HYDIN: variants seen among roughly 807,000 people sequenced by gnomAD.
The protein encoded by HYDIN is axonemal central pair apparatus protein HYDIN.
In HYDIN, 132 loss-of-function variants were observed where a neutral mutation model predicts 403.9. That is an observed-to-expected ratio of 0.33 (90% confidence interval 0.28 to 0.38). The LOEUF (loss-of-function observed/expected upper bound fraction) is 0.38. Ranked by LOEUF, HYDIN falls within the 10% of genes least tolerant of loss-of-function variation. The pLI is 1.00. For missense variants in HYDIN, 2,827 were observed against 5,009.5 expected (o/e 0.56, Z 13.15); for synonymous variants, 1,202 against 1,891.7 (o/e 0.64, Z 9.46).
chr16:71,185,229 T>C (rs1373607561), intron 2 of HYDIN, among the ~76,000 whole-genome samples: 2 of 152,100 alleles, frequency 1.3e-5, no homozygotes, highest in African/African-American at 2.4e-5. Flanking sequence ...CCTTATGATT[T>C]TGAAGGAATC....
chr16:71,067,348 G>C lies in HYDIN; in HGVS notation c.2017C>G (p.Leu673Val), dbSNP rs142497335. ...CCGATGCCCTCCACGTCCACCACGA[G>C]TGCCAGCTCGTATTTCTGCACAGTG... ...SNTVQKYELA[L>V]VVDVEGIGEE... The change falls in exon 15 of 86, where the codon CTC becomes GTC. Residue 673 changes from leucine to valine, a missense_variant. Physicochemically the swap from Leu to Val is conservative, Grantham distance 32. Coordinates refer to ENST00000393567, the MANE Select transcript of HYDIN (RefSeq NM_001270974.2). 1.9e-6 allele frequency: 3 copies of C among 1,612,900 alleles called. No homozygotes were observed. The highest frequency in any genetic ancestry group is 1.6e-4 in the Middle Eastern group (1 of 6,078).
intron 53 of HYDIN, among the ~76,000 whole-genome samples, chr16:70,897,086 T>G (rs556207736): frequency 3.3e-5 from 5 of 150,966 alleles, no homozygotes; most frequent in African/African-American, 1.2e-4. Flanking sequence ...CAGAAAATAT[T>G]TGCAAACTAT....
chr16:70,899,589 T>G (rs1446661443), intron 53 of HYDIN, among the ~76,000 whole-genome samples: 1 of 152,118 alleles, frequency 6.6e-6, no homozygotes, highest in Admixed American at 6.6e-5. Context: ...AGTCACCCAG[T>G]ATATGCTAAT....
chr16:70,949,143 C>T lies in HYDIN; in HGVS notation c.6531+3278G>A, dbSNP rs76191335. Among the ~76,000 whole-genome samples the T allele has an allele frequency of 1.4e-3, 207 of 152,026 alleles. 3 individuals are homozygous for T. In the South Asian group the frequency reaches 0.035, roughly 26 times the overall value. On this transcript the variant is annotated intron_variant, in intron 41 of 85. Coordinates refer to ENST00000393567, the MANE Select transcript of HYDIN (RefSeq NM_001270974.2). ...CTATGCAGCCATAAAAAATGATGAGCTCATGTCCTTTGTAGGGACATGGAT... is the reference window on the plus strand; with the variant it reads ...CTATGCAGCCATAAAAAATGATGAGTTCATGTCCTTTGTAGGGACATGGAT...
chr16:70,911,764 T>C (rs2076703649), intron 47 of HYDIN, among the ~76,000 whole-genome samples: 3 of 151,930 alleles, frequency 2.0e-5, no homozygotes, highest in Non-Finnish European at 4.4e-5. Flanking sequence ...TCCATTTGTT[T>C]GTGTCATCTA....
At chr16:70,939,532 T>C (rs2077604673) in intron 43 of HYDIN, among the ~76,000 whole-genome samples, 2 of 152,198 alleles carry the variant, frequency 1.3e-5, no homozygotes, top group South Asian at 2.1e-4. Flanking sequence ...TTTGTTAACA[T>C]GTATGAACAT....
chr16:71,134,453 G>A (rs1335768481), intron 8 of HYDIN, among the ~76,000 whole-genome samples: 3 of 152,242 alleles, frequency 2.0e-5, no homozygotes, highest in Non-Finnish European at 4.4e-5. Context: ...GCCTGATTCA[G>A]CTCTGCAGGC....
At chr16:71,058,933 GTA>G (rs1241445809) in intron 18 of HYDIN, among the ~76,000 whole-genome samples, 1 of 151,130 alleles carries the variant, frequency 6.6e-6, no homozygotes, top group African/African-American at 2.5e-5. Context: ...TAATAACTAA[GTA>G]TGTTTTTGCT....
chr16:70,954,502 C>A (rs548861523), intron 40 of HYDIN, among the ~76,000 whole-genome samples: 1 of 151,974 alleles, frequency 6.6e-6, no homozygotes, highest in East Asian at 1.9e-4. Context: ...CCCCCCTCCC[C>A]CAAACCCAAC....
At chr16:71,009,514 A>G (rs1469581722) in intron 23 of HYDIN, among the ~76,000 whole-genome samples, 1 of 152,090 alleles carries the variant, frequency 6.6e-6, no homozygotes, top group African/African-American at 2.4e-5. Flanking sequence ...AATGCCAGTA[A>G]TGTTAGAGGC....
chr16:71,214,084 T>C lies in HYDIN; in HGVS notation c.-24+16478A>G, dbSNP rs530911090. ...CAATAGGTTTAGCAATATTGCTAAA[T>C]ATAAAATAAATATATCCTAAAATTG... On this transcript the variant is annotated intron_variant, in intron 1 of 85. Coordinates refer to ENST00000393567, the MANE Select transcript of HYDIN (RefSeq NM_001270974.2). Among the ~76,000 whole-genome samples the C allele has an allele frequency of 2.0e-5, 3 of 152,180 alleles. No homozygotes were observed. In the East Asian group the frequency reaches 5.8e-4, roughly 29 times the overall value.
chr16:71,107,404 A>C (rs931968257), intron 10 of HYDIN, among the ~76,000 whole-genome samples: 9 of 151,928 alleles, frequency 5.9e-5, no homozygotes, highest in African/African-American at 2.2e-4. Context: ...AATGGGAAAA[A>C]ATATTTGCAA....
At chr16:70,946,704 G>A (rs1464739046) in intron 41 of HYDIN, among the ~76,000 whole-genome samples, 1 of 152,190 alleles carries the variant, frequency 6.6e-6, no homozygotes, top group Non-Finnish European at 1.5e-5. Context: ...TCTGTAAAGT[G>A]AGAAGATGGC....
At chr16:71,173,273 A>G (rs2086540499) in intron 5 of HYDIN, among the ~76,000 whole-genome samples, 1 of 152,244 alleles carries the variant, frequency 6.6e-6, no homozygotes, top group Non-Finnish European at 1.5e-5. Context: ...TAGAAGTAAC[A>G]GTATAACAAC....
intron 53 of HYDIN, among the ~76,000 whole-genome samples, chr16:70,898,097 AGGT>A (rs1344431065): frequency 1.3e-5 from 2 of 152,166 alleles, no homozygotes; most frequent in Non-Finnish European, 2.9e-5. Context: ...TGAGCCCAGG[AGGT>A]GGAAGTTGCA....
At chr16:71,143,585 GC>G (rs1194625442) in intron 7 of HYDIN, among the ~76,000 whole-genome samples, 2 of 152,064 alleles carry the variant, frequency 1.3e-5, no homozygotes, top group Admixed American at 1.3e-4. Flanking sequence ...TAAAACATTT[GC>G]TTCTTTTACA....
At position 70,807,547 on chromosome 16, in the gene HYDIN, G is replaced by A. The variant is rs1036166041; in HGVS notation, c.*33C>T. ...CTTTTTCAGGCTAAGACAATGCATA[G>A]CTTTTGGTTGATACAGGTAACCCTG... On this transcript the variant is annotated 3_prime_UTR_variant, in exon 86 of 86. Coordinates refer to ENST00000393567, the MANE Select transcript of HYDIN (RefSeq NM_001270974.2). 7.7e-6 allele frequency: 12 copies of A among 1,566,008 alleles called. No homozygotes were observed. The African/African-American group carries it at 1.5e-4, about 20-fold the overall frequency.
intron 1 of HYDIN, among the ~76,000 whole-genome samples, chr16:71,202,567 G>A (rs2088074389): frequency 6.6e-6 from 1 of 152,040 alleles, no homozygotes; most frequent in African/African-American, 2.4e-5. Context: ...GAAATCCTGA[G>A]CATATTAATT....
chr16:70,810,115 C>A, intron 84 of HYDIN, 108 bp from the exon 85 acceptor site: 2 of 975,730 alleles, frequency 2.0e-6, no homozygotes, highest in Non-Finnish European at 3.2e-6. Flanking sequence ...AAATAGTGCA[C>A]ATGATCATGC....
Sources: gnomAD v4.1 joint callset for allele counts (sites outside exome capture counted in the v4.1 genomes callset) on GRCh38, gnomAD v4.1.1 for gene constraint, MANE v1.5 for transcripts, NCBI Gene and HGNC (gene_info 2026-07-23, HGNC 2026-07-21) for gene names.